The following SH3RF1 variants were observed in gnomAD, a reference collection of about 807,000 sequenced individuals.
The protein encoded by SH3RF1 is E3 ubiquitin-protein ligase SH3RF1.
In SH3RF1, 32 loss-of-function variants were observed where a neutral mutation model predicts 74.0. The ratio of observed to expected loss-of-function variants is 0.43; its 90% CI spans 0.33 to 0.58. The LOEUF (loss-of-function observed/expected upper bound fraction) is 0.58. Among genes scored for constraint, SH3RF1 ranks in the 20% least tolerant of loss-of-function variants. SH3RF1 has a pLI of 0.05. For synonymous variants in SH3RF1, 396 were observed against 439.6 expected, an observed-to-expected ratio of 0.90 and a Z score of 1.24; for missense variants, 954 against 1,130.9, an observed-to-expected ratio of 0.84 and a Z score of 2.24.
At chr4:169,258,422 G>A (rs1259814162) in intron 2 of SH3RF1, among the ~76,000 whole-genome samples, 1 of 152,140 alleles carries the variant, frequency 6.6e-6, no homozygotes, top group Non-Finnish European at 1.5e-5. Context: ...AACACTTCCA[G>A]TGTCTTCTTA....
At chr4:169,234,124 C>T in intron 2 of SH3RF1, among the ~76,000 whole-genome samples, 1 of 152,104 alleles carries the variant, frequency 6.6e-6, no homozygotes, top group Admixed American at 6.5e-5. Flanking sequence ...TATTCTAGAA[C>T]AGTGGATCTC....
intron 2 of SH3RF1, among the ~76,000 whole-genome samples, chr4:169,209,727 T>C (rs1023803011): frequency 6.6e-6 from 1 of 152,216 alleles, no homozygotes; most frequent in African/African-American, 2.4e-5. Context: ...AACACTGTAA[T>C]GTACCGGAAA....
At chr4:169,177,598 AG>A (rs1325152390) in intron 2 of SH3RF1, among the ~76,000 whole-genome samples, 1 of 152,230 alleles carries the variant, frequency 6.6e-6, no homozygotes, top group East Asian at 1.9e-4. Flanking sequence ...TGAAAGAATT[AG>A]TCTAAAAGAA....
intron 2 of SH3RF1, chr4:169,166,326 C>T (rs190444661): frequency 1.9e-4 from 29 of 154,410 alleles, no homozygotes; most frequent in South Asian, 1.1e-3. Flanking sequence ...CCCGAAGCCA[C>T]GAAGGCTGAT....
chr4:169,207,933 T>C (rs1010474169), intron 2 of SH3RF1, among the ~76,000 whole-genome samples: 2 of 151,746 alleles, frequency 1.3e-5, no homozygotes, highest in East Asian at 1.9e-4. Flanking sequence ...GGGGTGTCAG[T>C]AGGGGTGGGG....
chr4:169,218,581 C>A (rs957697614), intron 2 of SH3RF1, among the ~76,000 whole-genome samples: 1 of 150,760 alleles, frequency 6.6e-6, no homozygotes, highest in Non-Finnish European at 1.5e-5. Flanking sequence ...GCCAGGAGAG[C>A]CTGGGGATAA....
intron 2 of SH3RF1, among the ~76,000 whole-genome samples, chr4:169,255,988 A>C (rs1258853437): frequency 6.6e-6 from 1 of 151,920 alleles, no homozygotes; most frequent in Non-Finnish European, 1.5e-5. Context: ...GGCTGGTCTC[A>C]AATTCCTGGG....
intron 2 of SH3RF1, among the ~76,000 whole-genome samples, chr4:169,259,129 T>A (rs1270448726): frequency 6.6e-6 from 1 of 152,184 alleles, no homozygotes; most frequent in Non-Finnish European, 1.5e-5. Context: ...GAAAATTCAC[T>A]CCTGTTCATT....
chr4:169,162,138 T>C (rs1468971526), intron 2 of SH3RF1, among the ~76,000 whole-genome samples: 2 of 152,024 alleles, frequency 1.3e-5, no homozygotes, highest in East Asian at 1.9e-4. Context: ...GCCTGGGCAA[T>C]AGAGTGAGAC....
intron 2 of SH3RF1, among the ~76,000 whole-genome samples, chr4:169,245,902 C>A (rs1730989071): frequency 6.6e-6 from 1 of 152,160 alleles, no homozygotes; most frequent in Non-Finnish European, 1.5e-5. Flanking sequence ...GAAAAGTGGT[C>A]ACATTAGTTT....
At position 169,117,626 on chromosome 4, in the gene SH3RF1, AG is replaced by A; in HGVS notation, c.1673del (p.Ala558ValfsTer20). The part of the protein sequence containing the change: ...VAGSPSVVPA[A>X]VVSAAHIQTS... Reference sequence around the variant, plus strand: ...TCTGGATGTGAGCTGCTGATACCACAGCTGCGGGGACAACACTGGGACTCCC... The same window carrying A: ...TCTGGATGTGAGCTGCTGATACCACACTGCGGGGACAACACTGGGACTCCC... On this transcript the variant is annotated frameshift_variant, in exon 9 of 12. Transcript: ENST00000284637. LOFTEE classifies it high-confidence loss of function. 1 of 1,614,174 alleles carries A rather than the reference AG, an allele frequency of 6.2e-7. No homozygotes were observed. Among genetic ancestry groups the A allele is most frequent in the Non-Finnish European group, 8.5e-7 (1 of 1,180,036 alleles).
intron 5 of SH3RF1, among the ~76,000 whole-genome samples, chr4:169,131,806 T>C (rs1349827819): frequency 6.6e-6 from 1 of 152,242 alleles, no homozygotes; most frequent in Non-Finnish European, 1.5e-5. Context: ...CAGCCTCTGA[T>C]TGGTTGCTGT....
rs1163106419 is a variant in SH3RF1, at chr4:169,106,956, T to C, written c.2389A>G (p.Arg797Gly). Residue 797 changes from arginine to glycine, a missense_variant, in exon 11 of 12, where the codon AGG becomes GGG. Physicochemically the swap from Arg to Gly is moderately radical, Grantham distance 125. Coordinates refer to ENST00000284637, the MANE Select transcript of SH3RF1 (RefSeq NM_020870.4). ...GAALAQDAFH[R>G]KASSLDSAVP... ...GCGGAGTCCAGGGAACTTGCCTTCC[T>C]ATGAAAAGCATCCTGGGCCAGGGCT... 1 of 1,613,932 alleles carries C rather than the reference T, an allele frequency of 6.2e-7. No homozygotes were observed. The highest frequency in any genetic ancestry group is 1.3e-5 in the African/African-American group (1 of 75,062).
Position 169,186,495 on chromosome 4 carries a change from T to C in SH3RF1, c.394-29816A>G, listed in dbSNP as rs1734604652. Among the ~76,000 whole-genome samples, 4 of 152,122 alleles carry C rather than the reference T, an allele frequency of 2.6e-5. No homozygotes were observed. In the South Asian group the frequency reaches 8.4e-4, roughly 32 times the overall value. ...TTCCATTATAAAACATCCTGTTCCT[T>C]CAGGTGCAAAAAATAGAATTACACT... is the stretch of plus-strand genomic sequence containing the variant. On this transcript the variant is annotated intron_variant, in intron 2 of 11. Coordinates refer to ENST00000284637, the MANE Select transcript of SH3RF1 (RefSeq NM_020870.4).
At chr4:169,105,990 T>C (rs1024215303) in intron 11 of SH3RF1, among the ~76,000 whole-genome samples, 4 of 148,892 alleles carry the variant, frequency 2.7e-5, no homozygotes, top group South Asian at 2.2e-4. Context: ...TCTTAAAATA[T>C]TGTGAATTTT....
In SH3RF1 at chr4:169,103,075, C is replaced by T. The variant is rs528887021; in HGVS notation, c.2498+3772G>A. ...AGCTGGGATTACAGGTGCCCGCCAC[C>T]GCGCCTGGCTATTTTTTTTTTTTTT... is the stretch of plus-strand genomic sequence containing the variant. On this transcript the variant is annotated intron_variant, in intron 11 of 11. Coordinates refer to ENST00000284637, the MANE Select transcript of SH3RF1 (RefSeq NM_020870.4). Among the ~76,000 whole-genome samples the T allele has an allele frequency of 1.8e-3, 269 of 147,568 alleles. 1 individual carries two copies. The highest frequency in any genetic ancestry group is 5.8e-3 in the African/African-American group (235 of 40,196).
At chr4:169,238,404 C>CCA (rs1395546522) in intron 2 of SH3RF1, among the ~76,000 whole-genome samples, 1 of 152,182 alleles carries the variant, frequency 6.6e-6, no homozygotes, top group Non-Finnish European at 1.5e-5. Flanking sequence ...TATTGAGCTG[C>CCA]CACAGACACT....
chr4:169,268,792 C>A lies in SH3RF1; in HGVS notation c.393+28G>T, dbSNP rs1399349128. The A allele has an allele frequency of 2.6e-6, 4 of 1,528,358 alleles. No homozygotes were observed. In the African/African-American group the frequency reaches 5.6e-5, roughly 21 times the overall value. 94.7% of individuals were successfully genotyped at this position (1,528,358 alleles called of 1,614,324 possible). A position where few individuals can be genotyped will look rare whatever the true frequency, so the allele number is the denominator to read the frequency against. On this transcript the variant is annotated intron_variant, in intron 2 of 11. Coordinates refer to ENST00000284637, the MANE Select transcript of SH3RF1 (RefSeq NM_020870.4). ...AAATGTGGACATTACCACCTTTATTCACCAAACTACCTCTGTAGGCTACTT... is the reference window on the plus strand; with the variant it reads ...AAATGTGGACATTACCACCTTTATTAACCAAACTACCTCTGTAGGCTACTT...
rs918190937 is a variant in SH3RF1 at position 169,239,739 on chromosome 4, G to A, written c.393+29081C>T. On this transcript the variant is annotated intron_variant, in intron 2 of 11. Coordinates refer to ENST00000284637, the MANE Select transcript of SH3RF1 (RefSeq NM_020870.4). ...AATTTCTTTAAAAGTAATTAAGATC[G>A]GCCGAGTGCAGTGGCTGACTCCAGC... Among the ~76,000 whole-genome samples the A allele has an allele frequency of 4.8e-4, 73 of 152,270 alleles. 1 individual carries two copies. The highest frequency in any genetic ancestry group is 1.5e-3 in the African/African-American group (64 of 41,542).
Sources: allele counts gnomAD v4.1 joint callset (sites outside exome capture counted in the v4.1 genomes callset), GRCh38; gene constraint gnomAD v4.1.1; transcripts MANE v1.5; gene names NCBI Gene and HGNC (gene_info 2026-07-23, HGNC 2026-07-21).